Variants in ZZEF1 observed in about 807,000 individuals in gnomAD.
ZZEF1 encodes zinc finger ZZ-type and EF-hand domain containing 1.
Under a neutral mutation model 342.8 loss-of-function variants are expected in ZZEF1, and 157 were observed. The observed-to-expected ratio is 0.46, with a 90% CI of 0.40 to 0.52. The LOEUF is 0.52. ZZEF1 is among the 20% of genes least tolerant of loss of function. The pLI is 0.00. For missense variants in ZZEF1, 3,480 were observed against 3,725.6 expected (o/e 0.93, Z 1.72); for synonymous variants, 1,505 against 1,429.1 (o/e 1.05, Z -1.20).
Position 4,018,983 on chromosome 17 carries a change from G to C in ZZEF1, c.7505+686C>G, listed in dbSNP as rs965465426. ...CCACCCCAGACTCTGCCTACCTCTG[G>C]ACTGTTATGTGAGAGAAAAACAAAT... On this transcript the variant is annotated intron_variant, in intron 46 of 54. Transcript: ENST00000381638. Among the ~76,000 whole-genome samples, 14 of 137,262 alleles carry C rather than the reference G, an allele frequency of 1.0e-4. 1 individual carries two copies. Among genetic ancestry groups the C allele is most frequent in the Middle Eastern group, 3.4e-3 (1 of 292 alleles). 90.0% of individuals were successfully genotyped at this position (137,262 alleles called of 152,430 possible). A position where few individuals can be genotyped will look rare whatever the true frequency, so the allele number is the denominator to read the frequency against.
At chr17:4,113,571 A>G (rs1011594588) in intron 4 of ZZEF1, among the ~76,000 whole-genome samples, 4 of 151,978 alleles carry the variant, frequency 2.6e-5, no homozygotes, top group Non-Finnish European at 1.5e-5. Flanking sequence ...AGGCTGAGGC[A>G]GGAGAATCGC....
chr17:4,104,745 G>A lies in ZZEF1; in HGVS notation c.1461C>T (p.Ala487=). The A allele has an allele frequency of 6.2e-7, 1 of 1,614,118 alleles. No individual in the cohort carries two copies. Among genetic ancestry groups the A allele is most frequent in the Non-Finnish European group, 8.5e-7 (1 of 1,180,008 alleles). Residue 487 remains alanine, a synonymous_variant, in exon 8 of 55, where the codon GCC becomes GCT. Coordinates refer to ENST00000381638, the MANE Select transcript of ZZEF1 (RefSeq NM_015113.4). ...TGGTGCATAGAGAGCTCATGACTTT[G>A]GCAACACTTCCTCTTGCGAGAGCAA... is the stretch of plus-strand genomic sequence containing the variant. The part of the protein sequence containing the change: ...LAFALARGSV[A]KVMSSLCTIT...
intron 11 of ZZEF1, 148 bp from the exon 12 acceptor site, chr17:4,090,978 G>C: frequency 3.1e-6 from 2 of 636,792 alleles, no homozygotes; most frequent in Non-Finnish European, 5.6e-6. Context: ...GGTACCCTGT[G>C]AGCACATGAG....
At chr17:4,140,884 A>C (rs970838280) in intron 1 of ZZEF1, among the ~76,000 whole-genome samples, 16 of 150,800 alleles carry the variant, frequency 1.1e-4, no homozygotes, top group Admixed American at 5.4e-4. Context: ...GGAAAAAAAA[A>C]GGAGATCTTT....
intron 9 of ZZEF1, among the ~76,000 whole-genome samples, chr17:4,100,484 G>A (rs1369179534): frequency 2.0e-5 from 3 of 152,176 alleles, no homozygotes; most frequent in Non-Finnish European, 4.4e-5. Flanking sequence ...GGAGAACTGG[G>A]TAGGTAAAAG....
At chr17:4,063,382 C>G (rs2057324076) in intron 29 of ZZEF1, among the ~76,000 whole-genome samples, 1 of 152,106 alleles carries the variant, frequency 6.6e-6, no homozygotes, top group African/African-American at 2.4e-5. Flanking sequence ...TTGAGACCAG[C>G]CTGGGTAACA....
intron 2 of ZZEF1, among the ~76,000 whole-genome samples, chr17:4,122,300 T>A (rs2058495789): frequency 6.6e-6 from 1 of 152,204 alleles, no homozygotes; most frequent in Non-Finnish European, 1.5e-5. Flanking sequence ...AAAACAAATG[T>A]TAATTTTATT....
chr17:4,075,354 C>T lies in ZZEF1; in HGVS notation c.3310G>A (p.Glu1104Lys). The T allele has an allele frequency of 6.2e-7, 1 of 1,614,232 alleles. No homozygotes were observed. Among genetic ancestry groups the T allele is most frequent in the Non-Finnish European group, 8.5e-7 (1 of 1,180,052 alleles). The change falls in exon 22 of 55, where the codon GAA becomes AAA. Residue 1104 changes from glutamate to lysine, a missense_variant. Glu to Lys is a moderately conservative substitution (Grantham distance 56). Transcript: ENST00000381638. ...TWTKESAHNY[E>K]NNCHEVSVFV... is the part of the protein sequence containing the mutation. ...ACGGATACCTCATGGCAATTATTTT[C>T]ATAGTTGTGGGCAGATTCCTTCGTC...
chr17:4,084,711 T>TA, intron 16 of ZZEF1, among the ~76,000 whole-genome samples: 1 of 152,206 alleles, frequency 6.6e-6, no homozygotes, highest in Non-Finnish European at 1.5e-5. Flanking sequence ...TTCCATTTGG[T>TA]AACACAGTGC....
intron 30 of ZZEF1, among the ~76,000 whole-genome samples, chr17:4,060,457 G>T (rs1052007477): frequency 5.3e-5 from 8 of 152,106 alleles, no homozygotes; most frequent in African/African-American, 1.7e-4. Context: ...GCCAAGGCGG[G>T]AGGATCACTT....
intron 42 of ZZEF1, among the ~76,000 whole-genome samples, chr17:4,029,731 G>A (rs2264857): frequency 0.51 from 77,217 of 151,666 alleles, 21,879 homozygotes; most frequent in African/African-American, 0.78. Flanking sequence ...AAAATTAGCC[G>A]GGCATAGTGG....
chr17:4,085,942 G>T, intron 15 of ZZEF1, 139 bp from the exon 16 acceptor site: 1 of 1,078,350 alleles, frequency 9.3e-7, no homozygotes, highest in Non-Finnish European at 1.3e-6. Context: ...TACAGGCCAG[G>T]CAGTATAAAA....
intron 8 of ZZEF1, 42 bp downstream of exon 8, chr17:4,104,591 A>G (rs1285549528): frequency 1.2e-6 from 2 of 1,603,258 alleles, no homozygotes; most frequent in Non-Finnish European, 1.7e-6. Flanking sequence ...CGATTTGTCC[A>G]CTGTTGACAT....
chr17:4,096,583 C>T (rs1302299930), intron 10 of ZZEF1, 26 bp downstream of exon 10: 1 of 1,602,196 alleles, frequency 6.2e-7, no homozygotes, highest in South Asian at 1.1e-5. Flanking sequence ...AGTAACATTG[C>T]TTAAAGAAGG....
chr17:4,097,257 AAAAAAAGAAAAAG>A (rs985990522), intron 9 of ZZEF1, among the ~76,000 whole-genome samples: 54 of 151,702 alleles, frequency 3.6e-4, no homozygotes, highest in South Asian at 1.9e-3. Context: ...GTCTCAAAAA[AAAAAAAGAAAAAG>A]AAAAAGAAAA....
At chr17:4,079,063 C>T (rs1489855153) in intron 18 of ZZEF1, among the ~76,000 whole-genome samples, 1 of 152,174 alleles carries the variant, frequency 6.6e-6, no homozygotes, top group Admixed American at 6.5e-5. Flanking sequence ...AACTGATCTC[C>T]AAATGGTATA....
chr17:4,117,133 C>T lies in ZZEF1; in HGVS notation c.533G>A (p.Gly178Asp), dbSNP rs766590371. 1 of 1,613,572 alleles carries T rather than the reference C, an allele frequency of 6.2e-7. No homozygotes were observed. The highest frequency in any genetic ancestry group is 1.1e-5 in the South Asian group (1 of 91,034). Residue 178 changes from glycine (G) to aspartate (D), a missense_variant, in exon 3 of 55, where the codon GGC (glycine) becomes GAC (aspartate). Physicochemically the swap from Gly to Asp is moderately conservative, Grantham distance 94 (BLOSUM62 -1). Coordinates refer to ENST00000381638, the MANE Select transcript of ZZEF1 (RefSeq NM_015113.4). Reference sequence around the variant, plus strand: ...TATCATTGACGAGTGAATATCAAGGCCCTCCTTCGACTCTGAAAATATGTC... The same window carrying T: ...TATCATTGACGAGTGAATATCAAGGTCCTCCTTCGACTCTGAAAATATGTC... The part of the protein sequence containing the change: ...FTDIFSESKE[G>D]LDIHSSMILR...
At chr17:4,096,984 G>A (rs1215796561) in intron 9 of ZZEF1, among the ~76,000 whole-genome samples, 1 of 151,978 alleles carries the variant, frequency 6.6e-6, no homozygotes, top group Non-Finnish European at 1.5e-5. Flanking sequence ...TGTTTAGGCC[G>A]GGCACAGTGG....
chr17:4,115,216 G>A (rs1317980989), intron 3 of ZZEF1, among the ~76,000 whole-genome samples: 2 of 152,018 alleles, frequency 1.3e-5, no homozygotes, highest in Non-Finnish European at 2.9e-5. Context: ...TGGAGAGATG[G>A]GGTCATCCCT....
Sources: gnomAD v4.1 joint callset for allele counts (sites outside exome capture counted in the v4.1 genomes callset) on GRCh38, gnomAD v4.1.1 for gene constraint, MANE v1.5 for transcripts, NCBI Gene and HGNC (gene_info 2026-07-23, HGNC 2026-07-21) for gene names.